ACAD11: variants seen among roughly 807,000 people sequenced by gnomAD.
The protein encoded by ACAD11 is acyl-CoA dehydrogenase family member 11.
A neutral mutation model predicts 102.2 loss-of-function variants in ACAD11; 83 were observed. The ratio of observed to expected loss-of-function variants is 0.81; its 90% CI spans 0.68 to 0.97. The LOEUF is 0.97. ACAD11 is among the 50% of genes least tolerant of loss of function. ACAD11 has a pLI of 0.00. For synonymous variants in ACAD11, 324 were observed against 319.8 expected (o/e 1.01, Z -0.14); for missense variants, 901 against 951.7 (o/e 0.95, Z 0.70).
intron 17 of ACAD11, among the ~76,000 whole-genome samples, chr3:132,572,879 A>AT (rs1480103039): frequency 6.6e-5 from 10 of 152,160 alleles, no homozygotes; most frequent in African/African-American, 2.2e-4. Flanking sequence ...CATCTTAGCC[A>AT]TTTTTTTGAC....
At chr3:132,600,940 T>G in intron 13 of ACAD11, 1 of 1,611,888 alleles carries the variant, frequency 6.2e-7, no homozygotes, top group Non-Finnish European at 8.5e-7. Context: ...TAAATGACAA[T>G]GCTAGGTGCA....
At chr3:132,616,054 A>G (rs528550183) in intron 11 of ACAD11, among the ~76,000 whole-genome samples, 13 of 152,168 alleles carry the variant, frequency 8.5e-5, no homozygotes, top group Non-Finnish European at 1.6e-4. Context: ...CTCAACATCA[A>G]TTATACTGCC....
At chr3:132,561,256 A>G in intron 17 of ACAD11, 39 bp from the exon 18 acceptor site, 1 of 1,495,782 alleles carries the variant, frequency 6.7e-7, no homozygotes, top group Admixed American at 1.7e-5. Flanking sequence ...AGGAGGAGCT[A>G]AGCTGGTATC....
intron 11 of ACAD11, among the ~76,000 whole-genome samples, chr3:132,608,556 A>G (rs1425995280): frequency 1.8e-4 from 28 of 152,232 alleles, no homozygotes; most frequent in Admixed American, 1.8e-3. Context: ...AGGACATTAC[A>G]TAATGGTAAA....
At chr3:132,645,208 A>G (rs1940673232) in intron 1 of ACAD11, among the ~76,000 whole-genome samples, 1 of 152,218 alleles carries the variant, frequency 6.6e-6, no homozygotes, top group Non-Finnish European at 1.5e-5. Context: ...TTGTAGAACA[A>G]TGACTGATCT....
At chr3:132,618,554 A>G in intron 11 of ACAD11, 80 bp downstream of exon 11, 1 of 1,240,934 alleles carries the variant, frequency 8.1e-7, no homozygotes, top group Non-Finnish European at 1.1e-6. Context: ...TTGTATAAAA[A>G]CACATTCTTA....
At chr3:132,613,922 C>A (rs570013308) in intron 11 of ACAD11, among the ~76,000 whole-genome samples, 7 of 151,906 alleles carry the variant, frequency 4.6e-5, no homozygotes, top group African/African-American at 1.7e-4. Context: ...AAAAAGAAAA[C>A]CCCATCATCT....
chr3:132,626,390 AC>A (rs1028801808), intron 9 of ACAD11, among the ~76,000 whole-genome samples: 4 of 151,796 alleles, frequency 2.6e-5, no homozygotes, highest in African/African-American at 7.3e-5. Context: ...GTCCATATTT[AC>A]AAAAAAAAAA....
chr3:132,611,368 G>A (rs1229067059), intron 11 of ACAD11, among the ~76,000 whole-genome samples: 1 of 151,918 alleles, frequency 6.6e-6, no homozygotes, highest in Non-Finnish European at 1.5e-5. Context: ...TGGAAGTTCT[G>A]GCCAGGGCAA....
At chr3:132,572,295 T>C (rs1054991961) in intron 17 of ACAD11, among the ~76,000 whole-genome samples, 2 of 151,338 alleles carry the variant, frequency 1.3e-5, no homozygotes, top group African/African-American at 4.9e-5. Context: ...CATTCACAGT[T>C]GCCACAAAAA....
intron 18 of ACAD11, 32 bp from the exon 19 acceptor site, chr3:132,559,974 T>A (rs377557043): frequency 6.5e-7 from 1 of 1,540,904 alleles, no homozygotes; most frequent in African/African-American, 1.4e-5. Flanking sequence ...AGAATGCTTC[T>A]TTCTTAGACT....
rs551691934 is a variant in ACAD11 at position 132,633,927 on chromosome 3, C to A, written c.703-2448G>T. 6.5e-4 allele frequency among the ~76,000 whole-genome samples: 98 copies of A among 151,924 alleles called. 2 individuals carry two copies. The South Asian group carries it at 0.019, about 30-fold the overall frequency. ...TAATTCAAGATGGATTAAAGACTTA[C>A]ATGTTAGACCTAAAACCATAAAAAC... is the stretch of plus-strand genomic sequence containing the variant. On this transcript the variant is annotated intron_variant, in intron 5 of 19. Coordinates refer to ENST00000264990, the MANE Select transcript of ACAD11 (RefSeq NM_032169.5).
chr3:132,631,939 T>C (rs1576606784), intron 5 of ACAD11, among the ~76,000 whole-genome samples: 4 of 152,306 alleles, frequency 2.6e-5, no homozygotes, highest in Non-Finnish European at 5.9e-5. Flanking sequence ...AGCATAATTG[T>C]TATAAAAGAT....
chr3:132,571,486 C>A (rs1937380430), intron 17 of ACAD11, among the ~76,000 whole-genome samples: 1 of 151,820 alleles, frequency 6.6e-6, no homozygotes, highest in South Asian at 2.1e-4. Flanking sequence ...TTTTGCCGTG[C>A]AGAAGCTCGT....
chr3:132,567,000 A>T (rs1937233224), intron 17 of ACAD11, among the ~76,000 whole-genome samples: 2 of 152,200 alleles, frequency 1.3e-5, no homozygotes, highest in African/African-American at 4.8e-5. Flanking sequence ...TTATTTAGAG[A>T]CAGAGTCTCA....
In ACAD11 at chr3:132,659,611, G is replaced by A; in HGVS notation, c.141C>T (p.Ala47=). Residue 47 remains alanine (A), a synonymous_variant, in exon 1 of 20, where the codon GCC becomes GCT. Transcript: ENST00000264990. The part of the protein sequence containing the change: ...GAEREATLTI[A]QYRAGKSNPT... ...AAGGCTGACATCCATACCTGTACTG[G>A]GCAATGGTCAGCGTAGCCTCACGTT... The A allele has an allele frequency of 6.2e-7, 1 of 1,610,656 alleles. No homozygotes were observed. The highest frequency in any genetic ancestry group is 8.5e-7 in the Non-Finnish European group (1 of 1,178,594).
At chr3:132,653,421 C>T (rs1016100114) in intron 1 of ACAD11, among the ~76,000 whole-genome samples, 4 of 152,178 alleles carry the variant, frequency 2.6e-5, no homozygotes, top group Admixed American at 1.3e-4. Context: ...TGCAGAAGGA[C>T]GTGCACATTT....
At chr3:132,642,361 A>G (rs1940557409) in intron 3 of ACAD11, among the ~76,000 whole-genome samples, 1 of 152,240 alleles carries the variant, frequency 6.6e-6, no homozygotes, top group African/African-American at 2.4e-5. Flanking sequence ...GGCTTGACCT[A>G]TGTGGAGTCT....
At chr3:132,577,039 A>G in intron 15 of ACAD11, 24 bp from the exon 16 acceptor site, 1 of 1,445,082 alleles carries the variant, frequency 6.9e-7, no homozygotes. Context: ...AATAAAATTT[A>G]GAGCAAAAGG....
Sources: allele counts gnomAD v4.1 joint callset (sites outside exome capture counted in the v4.1 genomes callset), GRCh38; gene constraint gnomAD v4.1.1; transcripts MANE v1.5; gene names NCBI Gene and HGNC (gene_info 2026-07-23, HGNC 2026-07-21).